Variants in ADGRB3 observed in about 807,000 individuals in gnomAD.
The protein encoded by ADGRB3 is brain-specific angiogenesis inhibitor 3.
Under a neutral mutation model 193.4 loss-of-function variants are expected in ADGRB3, and 37 were observed. The ratio of observed to expected loss-of-function variants is 0.19; its 90% CI spans 0.15 to 0.25. The LOEUF (loss-of-function observed/expected upper bound fraction) is 0.25, where lower values mean the gene tolerates loss of function less well. Among genes scored for constraint, ADGRB3 ranks in the 10% least tolerant of loss-of-function variants. ADGRB3 has a pLI of 1.00. For synonymous variants in ADGRB3, 690 were observed against 644.2 expected, an observed-to-expected ratio of 1.07 and a Z score of -1.08; for missense variants, 1,637 against 1,852.9, an observed-to-expected ratio of 0.88 and a Z score of 2.14.
chr6:68,970,856 G>A (rs1418893732), intron 8 of ADGRB3, among the ~76,000 whole-genome samples: 1 of 152,180 alleles, frequency 6.6e-6, no homozygotes, highest in Non-Finnish European at 1.5e-5. Flanking sequence ...AATCATGGAA[G>A]GTTAAGAGTA....
At chr6:69,162,148 A>T (rs1775010381) in intron 17 of ADGRB3, among the ~76,000 whole-genome samples, 1 of 152,112 alleles carries the variant, frequency 6.6e-6, no homozygotes, top group African/African-American at 2.4e-5. Context: ...GCTATAAAAA[A>T]TTTTGACATG....
intron 20 of ADGRB3, among the ~76,000 whole-genome samples, chr6:69,282,801 C>G (rs1448662581): frequency 6.6e-6 from 1 of 152,048 alleles, no homozygotes; most frequent in African/African-American, 2.4e-5. Context: ...AGAATTATAA[C>G]AAATGAGCAT....
At chr6:69,375,768 C>A (rs1769803631) in intron 30 of ADGRB3, among the ~76,000 whole-genome samples, 1 of 151,922 alleles carries the variant, frequency 6.6e-6, no homozygotes, top group Non-Finnish European at 1.5e-5. Context: ...ATCCATGAAA[C>A]CCCATCTCTA....
intron 3 of ADGRB3, among the ~76,000 whole-genome samples, chr6:68,772,810 G>A (rs1766644191): frequency 6.8e-6 from 1 of 146,680 alleles, no homozygotes; most frequent in Non-Finnish European, 1.5e-5. Flanking sequence ...TTGAGCCCAG[G>A]AGTTTAAGAC....
intron 3 of ADGRB3, among the ~76,000 whole-genome samples, chr6:68,880,095 A>C (rs1219399175): frequency 6.6e-6 from 1 of 152,206 alleles, no homozygotes; most frequent in Non-Finnish European, 1.5e-5. Flanking sequence ...CGAATTGTTT[A>C]AAGTGGAGAG....
chr6:69,289,396 C>T (rs1767618569), intron 20 of ADGRB3, among the ~76,000 whole-genome samples: 1 of 152,140 alleles, frequency 6.6e-6, no homozygotes, highest in Non-Finnish European at 1.5e-5. Context: ...CCAAAAATCT[C>T]ACTTTAGCAC....
chr6:69,152,739 G>A (rs991402668), intron 17 of ADGRB3, among the ~76,000 whole-genome samples: 2 of 152,066 alleles, frequency 1.3e-5, no homozygotes, highest in Admixed American at 6.6e-5. Flanking sequence ...AATTTTTAGT[G>A]GCATTTTTCA....
Position 69,293,274 on chromosome 6 carries a change from C to A in ADGRB3, c.2815-31598C>A, listed in dbSNP as rs1443574812. ...CTTGCTTGGGAATCCATGAGACAAA[C>A]ACCCACTTTCTCTTACTTATTAAGG... On this transcript the variant is annotated intron_variant, in intron 20 of 31. Transcript: ENST00000370598. Among the ~76,000 whole-genome samples the A allele has an allele frequency of 2.0e-5, 3 of 151,990 alleles. No individual in the cohort carries two copies. The East Asian group carries it at 5.8e-4, about 29-fold the overall frequency.
At chr6:68,676,380 ACT>A (rs1196536014) in intron 3 of ADGRB3, among the ~76,000 whole-genome samples, 2 of 131,464 alleles carry the variant, frequency 1.5e-5, no homozygotes, top group Admixed American at 8.4e-5. Context: ...ACAGAGAGAG[ACT>A]CTGTCTCAAA....
At chr6:68,896,088 T>C (rs1766211348) in intron 3 of ADGRB3, among the ~76,000 whole-genome samples, 1 of 152,078 alleles carries the variant, frequency 6.6e-6, no homozygotes, top group Admixed American at 6.6e-5. Flanking sequence ...TGAAACTGCT[T>C]CCTTTAAGAA....
At chr6:68,895,898 TAAA>T (rs576550798) in intron 3 of ADGRB3, among the ~76,000 whole-genome samples, 1 of 152,038 alleles carries the variant, frequency 6.6e-6, no homozygotes, top group Admixed American at 6.6e-5. Context: ...TATTAACTGT[TAAA>T]AACAAAATTT....
rs148746710 is a variant in ADGRB3, at chr6:69,001,793, C to G, written c.1929+7831C>G. ...CCCAGGCATGTTCCTACTCATTGAT[C>G]ACACTTCTGTGGACCTAACAGAAGA... On this transcript the variant is annotated intron_variant, in intron 11 of 31. Transcript: ENST00000370598. Among the ~76,000 whole-genome samples, 654 of 152,292 alleles carry G rather than the reference C, an allele frequency of 4.3e-3. 7 individuals are homozygous for G. Among genetic ancestry groups the G allele is most frequent in the African/African-American group, 0.015 (636 of 41,566 alleles).
chr6:69,197,370 G>A (rs1463132014), intron 17 of ADGRB3, among the ~76,000 whole-genome samples: 1 of 151,632 alleles, frequency 6.6e-6, no homozygotes, highest in East Asian at 1.9e-4. Flanking sequence ...ATTTATGTTG[G>A]GGCCTAAATA....
At chr6:68,854,922 G>C (rs1447717057) in intron 3 of ADGRB3, among the ~76,000 whole-genome samples, 1 of 152,028 alleles carries the variant, frequency 6.6e-6, no homozygotes, top group African/African-American at 2.4e-5. Context: ...AGATCCTATG[G>C]AGTATTACTA....
intron 17 of ADGRB3, among the ~76,000 whole-genome samples, chr6:69,208,116 C>T (rs551857133): frequency 1.1e-4 from 17 of 152,290 alleles, no homozygotes; most frequent in Middle Eastern, 3.4e-3. Flanking sequence ...TGAGCCCATG[C>T]GTAACCTCCA....
chr6:69,131,128 TA>T (rs1201121828), intron 17 of ADGRB3, among the ~76,000 whole-genome samples: 1 of 151,926 alleles, frequency 6.6e-6, no homozygotes, highest in Non-Finnish European at 1.5e-5. Context: ...TAGCTTGAAA[TA>T]AAAAAAGAAT....
chr6:68,868,020 A>G (rs539297105), intron 3 of ADGRB3, among the ~76,000 whole-genome samples: 11 of 152,298 alleles, frequency 7.2e-5, no homozygotes, highest in African/African-American at 2.4e-4. Flanking sequence ...AGTTAAGACT[A>G]TAAGGGACTG....
chr6:68,726,938 A>G (rs533747856), intron 3 of ADGRB3, among the ~76,000 whole-genome samples: 2 of 151,620 alleles, frequency 1.3e-5, no homozygotes, highest in Admixed American at 1.3e-4. Context: ...GATAAAATCA[A>G]TGTTGGAAAC....
intron 17 of ADGRB3, among the ~76,000 whole-genome samples, chr6:69,211,759 C>A (rs1384566657): frequency 1.3e-5 from 2 of 152,072 alleles, no homozygotes; most frequent in African/African-American, 4.8e-5. Context: ...ATTTGTTGAA[C>A]ACAAGAATAG....
Sources: gnomAD v4.1 joint callset for allele counts (sites outside exome capture counted in the v4.1 genomes callset) on GRCh38, gnomAD v4.1.1 for gene constraint, MANE v1.5 for transcripts, NCBI Gene and HGNC (gene_info 2026-07-23, HGNC 2026-07-21) for gene names.